CNPY2: variants seen among roughly 807,000 people sequenced by gnomAD.
The protein encoded by CNPY2 is canopy FGF signaling regulator 2, also known as protein canopy homolog 2.
A neutral mutation model predicts 25.5 loss-of-function variants in CNPY2; 19 were observed. The observed-to-expected ratio is 0.74, with a 90% CI of 0.52 to 1.09. The LOEUF is 1.09. Among genes scored for constraint, CNPY2 ranks in the 50% least tolerant of loss-of-function variants. The pLI is 0.00. For missense variants in CNPY2, 214 were observed against 233.6 expected (o/e 0.92, Z 0.55); for synonymous variants, 82 against 85.0 (o/e 0.96, Z 0.19).
At position 56,310,445 on chromosome 12, in the gene CNPY2, A is replaced by T; in HGVS notation, c.*107T>A. On this transcript the variant is annotated 3_prime_UTR_variant, in exon 6 of 6. Coordinates refer to ENST00000273308, the MANE Select transcript of CNPY2 (RefSeq NM_014255.7). ...CAACACAGTTTGTACTTTTGGTTTC[A>T]TATTTTTTCAGTTAATTTCAGTAAA... 2 of 1,179,078 alleles carry T rather than the reference A, an allele frequency of 1.7e-6. No homozygotes were observed. The highest frequency in any genetic ancestry group is 2.5e-6 in the Non-Finnish European group (2 of 800,312). 73.0% of individuals were successfully genotyped at this position (1,179,078 alleles called of 1,614,324 possible).
chr12:56,313,660 C>T (rs1167715046), intron 3 of CNPY2, among the ~76,000 whole-genome samples: 1 of 149,746 alleles, frequency 6.7e-6, no homozygotes, highest in African/African-American at 2.5e-5. Context: ...GGCTAGAGTG[C>T]AGTGGCACCA....
In CNPY2 at chr12:56,313,445, G is replaced by GT. The variant is rs1248180159; in HGVS notation, c.204+1405dup. Among the ~76,000 whole-genome samples the GT allele has an allele frequency of 2.6e-5, 4 of 152,090 alleles. No individual in the cohort carries two copies. In the South Asian group the frequency reaches 8.3e-4, roughly 32 times the overall value. On this transcript the variant is annotated intron_variant, in intron 3 of 5. Transcript: ENST00000273308. ...GCAGAGGTTGCGGTGAGCCGAGATC[G>GT]TGTCATTGCACTCCAGCCTGGGCAA...
At position 56,311,054 on chromosome 12, in the gene CNPY2, A is replaced by G. The variant is rs1873701927; in HGVS notation, c.409T>C (p.Cys137Arg). The G allele has an allele frequency of 6.2e-7, 1 of 1,614,054 alleles. No homozygotes were observed. The highest frequency in any genetic ancestry group is 1.1e-5 in the South Asian group (1 of 91,076). Reference protein sequence around the residue: ...SDISGTLKFACESIVEEYEDE... With the variant: ...SDISGTLKFARESIVEEYEDE... The stretch of plus-strand genomic sequence containing the variant: ...TCGTATTCCTCCACAATGCTCTCAC[A>G]CTGCCAACCCAAGGGAGAAATGGGT... The change falls in exon 5 of 6, where the codon TGT becomes CGT. Residue 137 changes from cysteine (C) to arginine (R), a missense_variant and splice_region_variant. Physicochemically the swap from Cys to Arg is radical, Grantham distance 180 (BLOSUM62 -3). Coordinates refer to ENST00000273308, the MANE Select transcript of CNPY2 (RefSeq NM_014255.7).
chr12:56,314,433 C>T (rs988222060), intron 3 of CNPY2: 3 of 1,076,568 alleles, frequency 2.8e-6, no homozygotes, highest in Non-Finnish European at 3.4e-6. Context: ...TTAGATACAC[C>T]TTTGTGTACA....
chr12:56,315,338 T>C lies in CNPY2; in HGVS notation c.-25-96A>G, dbSNP rs550507535. 255 of 678,818 alleles carry C rather than the reference T, an allele frequency of 3.8e-4. 1 individual carries two copies. The highest frequency in any genetic ancestry group is 1.9e-3 in the African/African-American group (108 of 55,612). The allele number at this position is 678,818 out of a possible 1,614,324, so 42.0% of individuals were successfully genotyped here. A position where few individuals can be genotyped will look rare whatever the true frequency, so the allele number is the denominator to read the frequency against. ...CACCCCAAGGCTTTCAAAGGCCTCA[T>C]TGTGACTCTGGCTCTACTTTCCAGG... is the stretch of plus-strand genomic sequence containing the variant. On this transcript the variant is annotated intron_variant, in intron 1 of 5. Coordinates refer to ENST00000273308, the MANE Select transcript of CNPY2 (RefSeq NM_014255.7).
At position 56,314,971 on chromosome 12, in the gene CNPY2, TG is replaced by T. The variant is rs1017249603; in HGVS notation, c.89-6del. On this transcript the variant is annotated splice_region_variant and splice_polypyrimidine_tract_variant and intron_variant, in intron 2 of 5. Coordinates refer to ENST00000273308, the MANE Select transcript of CNPY2 (RefSeq NM_014255.7). ...CATCCACCAGAGCCCTGCATGCTGG[TG>T]GAAGAGGAGAGAATGAGAGCAGGGG... 11 of 1,614,010 alleles carry T rather than the reference TG, an allele frequency of 6.8e-6. No homozygotes were observed. The highest frequency in any genetic ancestry group is 1.3e-5 in the African/African-American group (1 of 74,908).
chr12:56,311,507 A>G, intron 3 of CNPY2, 93 bp from the exon 4 acceptor site: 1 of 1,223,690 alleles, frequency 8.2e-7, no homozygotes, highest in Non-Finnish European at 1.2e-6. Context: ...AGCTCCAACA[A>G]CCTATTCTAA....
Position 56,315,253 on chromosome 12 carries a change from G to A in CNPY2, c.-25-11C>T. ...ATGGGGTCGCTCCACCTGGGTTTGA[G>A]TGGGAATAAAACATAAGTGTGAGGA... On this transcript the variant is annotated splice_polypyrimidine_tract_variant and intron_variant, in intron 1 of 5. Coordinates refer to ENST00000273308, the MANE Select transcript of CNPY2 (RefSeq NM_014255.7). 6.5e-7 allele frequency: 1 copy of A among 1,539,516 alleles called. No homozygotes were observed. Among genetic ancestry groups the A allele is most frequent in the Non-Finnish European group, 9.0e-7 (1 of 1,114,698 alleles).
Position 56,310,237 on chromosome 12 carries a change from G to C in CNPY2, c.*315C>G. On this transcript the variant is annotated 3_prime_UTR_variant, in exon 6 of 6. Coordinates refer to ENST00000273308, the MANE Select transcript of CNPY2 (RefSeq NM_014255.7). ...ACGTGGTATTGAGTGGGCACTGACTGAAAGCTTATCTAGTTTATGAGTGGA... is the reference window on the plus strand; with the variant it reads ...ACGTGGTATTGAGTGGGCACTGACTCAAAGCTTATCTAGTTTATGAGTGGA... 1 of 600,080 alleles carries C rather than the reference G, an allele frequency of 1.7e-6. No homozygotes were observed. Among genetic ancestry groups the C allele is most frequent in the Non-Finnish European group, 2.9e-6 (1 of 339,194 alleles). The allele number at this position is 600,080 out of a possible 1,614,324, so 37.2% of individuals were successfully genotyped here.
chr12:56,312,222 C>CTTT (rs56822059), intron 3 of CNPY2, among the ~76,000 whole-genome samples: 1,613 of 135,618 alleles, frequency 0.012, 152 homozygotes, highest in African/African-American at 0.047. Context: ...CAAAGTACTT[C>CTTT]TTTTTTTTTT....
chr12:56,310,675 A>G (rs1427825617), intron 5 of CNPY2, 80 bp from the exon 6 acceptor site: 2 of 1,435,030 alleles, frequency 1.4e-6, no homozygotes, highest in Non-Finnish European at 2.0e-6. Flanking sequence ...TCCCAGACCA[A>G]GCTGACACAA....
intron 2 of CNPY2, 48 bp from the exon 3 acceptor site, chr12:56,315,014 G>T: frequency 6.2e-7 from 1 of 1,606,994 alleles, no homozygotes; most frequent in South Asian, 1.1e-5. Context: ...TAGGGGGTAG[G>T]GTGTGAGGAG....
rs1426788027 is a variant in CNPY2, at chr12:56,314,656, C to T, written c.204+195G>A. 8 of 1,432,858 alleles carry T rather than the reference C, an allele frequency of 5.6e-6. No individual in the cohort carries two copies. In the Admixed American group the frequency reaches 1.1e-4, roughly 20 times the overall value. The allele number at this position is 1,432,858 out of a possible 1,614,324, so 88.8% of individuals were successfully genotyped here. ...TTGCTAACAAATTCTACAGCAGAAACAAAGTATTAAGGTTTGCAGCCAGGA... is the reference window on the plus strand; with the variant it reads ...TTGCTAACAAATTCTACAGCAGAAATAAAGTATTAAGGTTTGCAGCCAGGA... On this transcript the variant is annotated intron_variant, in intron 3 of 5. Transcript: ENST00000273308.
chr12:56,315,235 C>T lies in CNPY2; in HGVS notation c.-18G>A, dbSNP rs773244761. 7.5e-6 allele frequency: 12 copies of T among 1,602,716 alleles called. No homozygotes were observed. The highest frequency in any genetic ancestry group is 1.0e-5 in the Non-Finnish European group (12 of 1,170,260). ...CCTTTCATCTTTAGCGTAATGGGGT[C>T]GCTCCACCTGGGTTTGAGTGGGAAT... On this transcript the variant is annotated 5_prime_UTR_variant, in exon 2 of 6. Coordinates refer to ENST00000273308, the MANE Select transcript of CNPY2 (RefSeq NM_014255.7).
rs1404317236 is a variant in CNPY2, at chr12:56,315,152, C to T, written c.66G>A (p.Arg22=). The change falls in exon 2 of 6, where the codon AGG becomes AGA. Residue 22 remains arginine (R), a synonymous_variant. Transcript: ENST00000273308. The stretch of plus-strand genomic sequence containing the variant: ...TACCTCCACAGTGGAGATCCTGGCT[C>T]CTCCGAGCCCAGGCGGTTCCCAGCA... ...GALLGTAWAR[R]SQDLHCGACR... 2 of 1,614,126 alleles carry T rather than the reference C, an allele frequency of 1.2e-6. No individual in the cohort carries two copies. Among genetic ancestry groups the T allele is most frequent in the Non-Finnish European group, 1.7e-6 (2 of 1,179,982 alleles).
At position 56,314,924 on chromosome 12, in the gene CNPY2, T is replaced by A. The variant is rs1247193114; in HGVS notation, c.131A>T (p.Gln44Leu). Residue 44 changes from glutamine to leucine, a missense_variant, in exon 3 of 6, where the codon CAG becomes CTG. Gln to Leu is a moderately radical substitution (Grantham distance 113). Transcript: ENST00000273308. ...LVDELEWEIA[Q>L]VDPKKTIQMG... ...CTGAATGGTCTTCTTGGGGTCCACC[T>A]GGGCAATTTCCCATTCTAGTTCATC... 6.8e-6 allele frequency: 11 copies of A among 1,614,214 alleles called. No homozygotes were observed. The highest frequency in any genetic ancestry group is 8.5e-6 in the Non-Finnish European group (10 of 1,180,038).
chr12:56,310,660 A>G, intron 5 of CNPY2, 65 bp from the exon 6 acceptor site: 1 of 1,567,804 alleles, frequency 6.4e-7, no homozygotes. Flanking sequence ...AGTATCAAGA[A>G]AATTTCCCAG....
rs766814532 is a variant in CNPY2 at position 56,311,232 on chromosome 12, A to G, written c.387T>C (p.Ile129=). The change falls in exon 4 of 6, where the codon ATT becomes ATC. Residue 129 remains isoleucine (I), a synonymous_variant. Coordinates refer to ENST00000273308, the MANE Select transcript of CNPY2 (RefSeq NM_014255.7). ...TCACCGCAAACTTGAGGGTGCCGCTAATATCTGAGTCGATTCGGATGCCTT... is the reference window on the plus strand; with the variant it reads ...TCACCGCAAACTTGAGGGTGCCGCTGATATCTGAGTCGATTCGGATGCCTT... ...DLQGIRIDSD[I]SGTLKFACES... The G allele has an allele frequency of 6.2e-6, 10 of 1,613,978 alleles. No homozygotes were observed. The highest frequency in any genetic ancestry group is 2.7e-5 in the African/African-American group (2 of 74,910).
intron 4 of CNPY2, 53 bp downstream of exon 4, chr12:56,311,158 T>G (rs1178138347): frequency 7.5e-6 from 12 of 1,607,564 alleles, no homozygotes; most frequent in Non-Finnish European, 9.4e-6. Context: ...TCTAATTGGT[T>G]CTCCAACAAC....
Sources: gnomAD v4.1 joint callset for allele counts (sites outside exome capture counted in the v4.1 genomes callset) on GRCh38, gnomAD v4.1.1 for gene constraint, MANE v1.5 for transcripts, NCBI Gene and HGNC (gene_info 2026-07-23, HGNC 2026-07-21) for gene names.